Variants in NSD1 observed in about 807,000 individuals in gnomAD.
The protein encoded by NSD1 is nuclear receptor binding SET domain protein 1, also known as histone-lysine N-methyltransferase, H3 lysine-36 specific.
NSD1 carries 26 observed loss-of-function variants against 242.7 expected under a neutral mutation model. The ratio of observed to expected loss-of-function variants is 0.11; its 90% CI spans 0.08 to 0.15. The LOEUF (loss-of-function observed/expected upper bound fraction) is 0.15. Ranked by LOEUF, NSD1 falls within the 10% of genes least tolerant of loss-of-function variation. The pLI, the probability that NSD1 is intolerant of heterozygous loss-of-function variation, is 1.00. For missense variants in NSD1, 2,495 were observed against 3,272.8 expected (o/e 0.76, Z 5.80); for synonymous variants, 1,106 against 1,178.1 (o/e 0.94, Z 1.25).
intron 14 of NSD1, among the ~76,000 whole-genome samples, chr5:177,263,725 G>A (rs1157569608): frequency 1.3e-5 from 2 of 152,094 alleles, no homozygotes; most frequent in East Asian, 1.9e-4. Flanking sequence ...ATGGAACACC[G>A]TTTTTAATTG....
Position 177,207,593 on chromosome 5 carries a change from A to ATTTTTTTTTT in NSD1, c.1237-2023_1237-2014dup, listed in dbSNP as rs150492535. ...CACCGTGCCTGGCCTATTTATTTAA[A>ATTTTTTTTTT]TTTTTTTTTTTTTTTTTTTTTTTTT... On this transcript the variant is annotated intron_variant, in intron 4 of 22. Coordinates refer to ENST00000439151, the MANE Select transcript of NSD1 (RefSeq NM_022455.5). 9.2e-4 allele frequency among the ~76,000 whole-genome samples: 72 copies of ATTTTTTTTTT among 78,218 alleles called. 8 individuals are homozygous for ATTTTTTTTTT. The highest frequency in any genetic ancestry group is 4.6e-3 in the African/African-American group (65 of 14,180). The allele number at this position is 78,218 out of a possible 152,430, so 51.3% of individuals were successfully genotyped here.
chr5:177,297,661 G>C lies in NSD1; in HGVS notation c.*2202G>C, dbSNP rs903443234. On this transcript the variant is annotated 3_prime_UTR_variant, in exon 23 of 23. Coordinates refer to ENST00000439151, the MANE Select transcript of NSD1 (RefSeq NM_022455.5). ...TTTCATGAAATAAACTGTGAATTTG[G>C]GGGGGGCGGGGGGAGGGCGTGCAGG... The C allele has an allele frequency of 9.0e-4, 126 of 139,554 alleles. No homozygotes were observed. In the East Asian group the frequency reaches 0.019, roughly 22 times the overall value. The allele number at this position is 139,554 out of a possible 1,614,324, so 8.6% of individuals were successfully genotyped here. A position where few individuals can be genotyped will look rare whatever the true frequency, so the allele number is the denominator to read the frequency against.
chr5:177,156,238 T>C (rs996105413), intron 2 of NSD1, among the ~76,000 whole-genome samples: 6 of 136,524 alleles, frequency 4.4e-5, no homozygotes, highest in African/African-American at 1.7e-4. Flanking sequence ...TGGAGTGCAG[T>C]GGCGCGATCT....
intron 2 of NSD1, among the ~76,000 whole-genome samples, chr5:177,171,589 C>T (rs550693659): frequency 1.3e-5 from 2 of 152,254 alleles, no homozygotes; most frequent in East Asian, 1.9e-4. Context: ...TGGTCATCAT[C>T]CCAAACAAGA....
At position 177,210,242 on chromosome 5, in the gene NSD1, T is replaced by C; in HGVS notation, c.1843T>C (p.Cys615Arg). ...EKNKPQRSLVCGSKVKLCYIG... is the reference protein window; with the variant it reads ...EKNKPQRSLVRGSKVKLCYIG... ...GAATAAACCCCAACGAAGCCTGGTG[T>C]GTGGTTCAAAAGTGAAGCTCTGCTA... is the stretch of plus-strand genomic sequence containing the variant. Residue 615 changes from cysteine (C) to arginine (R), a missense_variant, in exon 5 of 23, where the codon TGT becomes CGT. Cys to Arg is a radical substitution (Grantham distance 180). Coordinates refer to ENST00000439151, the MANE Select transcript of NSD1 (RefSeq NM_022455.5). 1 of 1,598,136 alleles carries C rather than the reference T, an allele frequency of 6.3e-7. No individual in the cohort carries two copies.
intron 9 of NSD1, among the ~76,000 whole-genome samples, chr5:177,245,287 A>G (rs1766190483): frequency 6.6e-6 from 1 of 152,206 alleles, no homozygotes. Context: ...GTATTTTTAT[A>G]TTTCGTTTTT....
chr5:177,195,676 C>G (rs1395417259), intron 3 of NSD1, among the ~76,000 whole-genome samples: 2 of 152,066 alleles, frequency 1.3e-5, no homozygotes, highest in African/African-American at 4.8e-5. Flanking sequence ...GCCTTGTTGC[C>G]CAGGCTGGTC....
rs1289421378 is a variant in NSD1, at chr5:177,143,022, A to G, written c.927+6992A>G. ...GTCTGATTCATCTTTGCATCTTAACAGTGTATAGCATGGTGCCTTCTTTTT... is the reference window on the plus strand; with the variant it reads ...GTCTGATTCATCTTTGCATCTTAACGGTGTATAGCATGGTGCCTTCTTTTT... On this transcript the variant is annotated intron_variant, in intron 2 of 22. Transcript: ENST00000439151. Among the ~76,000 whole-genome samples, 4 of 152,156 alleles carry G rather than the reference A, an allele frequency of 2.6e-5. 1 individual carries two copies. The highest frequency in any genetic ancestry group is 4.1e-4 in the South Asian group (2 of 4,830).
intron 2 of NSD1, among the ~76,000 whole-genome samples, chr5:177,191,492 A>G (rs7731035): frequency 0.04 from 6,129 of 152,234 alleles, 413 homozygotes; most frequent in African/African-American, 0.14. Context: ...GATATTATTA[A>G]AAATTCTTCC....
chr5:177,146,967 G>A (rs528407552), intron 2 of NSD1, among the ~76,000 whole-genome samples: 2 of 150,190 alleles, frequency 1.3e-5, no homozygotes, highest in African/African-American at 4.9e-5. Context: ...AGATCGCGCC[G>A]CTGCACTCTA....
intron 8 of NSD1, among the ~76,000 whole-genome samples, chr5:177,242,736 T>G (rs1053116702): frequency 6.6e-6 from 1 of 152,072 alleles, no homozygotes; most frequent in African/African-American, 2.4e-5. Flanking sequence ...TCAATGGTAG[T>G]CGGGCTGGTC....
intron 2 of NSD1, among the ~76,000 whole-genome samples, chr5:177,153,513 T>C (rs1241347594): frequency 6.6e-6 from 1 of 152,140 alleles, no homozygotes; most frequent in Non-Finnish European, 1.5e-5. Flanking sequence ...TGTGTCTATA[T>C]TCTTTGCTGA....
At chr5:177,171,861 TTTGAG>T (rs1161419745) in intron 2 of NSD1, among the ~76,000 whole-genome samples, 10 of 152,254 alleles carry the variant, frequency 6.6e-5, no homozygotes, top group Non-Finnish European at 1.5e-4. Flanking sequence ...GTGATGGACA[TTTGAG>T]TTGATTTCAC....
chr5:177,191,735 G>T, intron 2 of NSD1, 149 bp from the exon 3 acceptor site: 1 of 760,158 alleles, frequency 1.3e-6, no homozygotes, highest in Non-Finnish European at 2.2e-6. Context: ...GAATAATTTA[G>T]TTGTACTTAT....
intron 2 of NSD1, among the ~76,000 whole-genome samples, chr5:177,159,972 C>T (rs946426087): frequency 6.6e-6 from 1 of 152,068 alleles, no homozygotes; most frequent in African/African-American, 2.4e-5. Context: ...TCACTGCAAC[C>T]TCTGCCTCCC....
intron 3 of NSD1, among the ~76,000 whole-genome samples, chr5:177,201,261 G>A (rs1762490118): frequency 6.6e-6 from 1 of 151,942 alleles, no homozygotes; most frequent in Non-Finnish European, 1.5e-5. Context: ...CCAGGCTGGA[G>A]TGCAGTAGCG....
chr5:177,263,931 A>C (rs1757194719), intron 14 of NSD1, among the ~76,000 whole-genome samples: 1 of 151,400 alleles, frequency 6.6e-6, no homozygotes, highest in Non-Finnish European at 1.5e-5. Context: ...ACAATTTCTT[A>C]GTACTTACTG....
At chr5:177,160,564 A>G (rs1449341369) in intron 2 of NSD1, among the ~76,000 whole-genome samples, 1 of 151,926 alleles carries the variant, frequency 6.6e-6, no homozygotes, top group Non-Finnish European at 1.5e-5. Context: ...CAGCCTCCCA[A>G]AGTGTTGGGA....
intron 2 of NSD1, among the ~76,000 whole-genome samples, chr5:177,182,385 G>C (rs1220271144): frequency 6.6e-6 from 1 of 152,172 alleles, no homozygotes; most frequent in Non-Finnish European, 1.5e-5. Flanking sequence ...AAGCAGCCAT[G>C]AACACTGAGG....
Sources: gnomAD v4.1 joint callset for allele counts (sites outside exome capture counted in the v4.1 genomes callset) on GRCh38, gnomAD v4.1.1 for gene constraint, MANE v1.5 for transcripts, NCBI Gene and HGNC (gene_info 2026-07-23, HGNC 2026-07-21) for gene names.